The following JPH2 variants were observed in gnomAD, a reference collection of about 807,000 sequenced individuals.
JPH2 encodes the protein junctophilin 2.
A neutral mutation model predicts 55.9 loss-of-function variants in JPH2; 38 were observed. That is an observed-to-expected ratio of 0.68 (90% CI 0.52 to 0.89). JPH2 has a LOEUF of 0.89. Among genes scored for constraint, JPH2 ranks in the 40% least tolerant of loss-of-function variants. The probability of loss-of-function intolerance (pLI) is 0.00; values close to 1 mark genes in which losing one functional copy is unlikely to be tolerated. For synonymous variants in JPH2, 480 were observed against 472.4 expected, an observed-to-expected ratio of 1.02 and a Z score of -0.21; for missense variants, 964 against 1,037.6, an observed-to-expected ratio of 0.93 and a Z score of 0.97.
chr20:44,132,021 G>A (rs1370012159), intron 2 of JPH2, among the ~76,000 whole-genome samples: 1 of 152,118 alleles, frequency 6.6e-6, no homozygotes, highest in Non-Finnish European at 1.5e-5. Context: ...GAGCTACACG[G>A]TATTTACTGT....
chr20:44,154,204 T>C (rs1343317536), intron 2 of JPH2, among the ~76,000 whole-genome samples: 1 of 152,142 alleles, frequency 6.6e-6, no homozygotes, highest in African/African-American at 2.4e-5. Context: ...AAATATAACA[T>C]GTATCACATT....
At chr20:44,119,866 T>C (rs1600831507) in intron 2 of JPH2, among the ~76,000 whole-genome samples, 2 of 74,994 alleles carry the variant, frequency 2.7e-5, no homozygotes, top group Non-Finnish European at 4.9e-5. Flanking sequence ...AGGGTGAGAC[T>C]CCATCTCAAA....
chr20:44,163,466 G>A (rs2072630399), intron 1 of JPH2, among the ~76,000 whole-genome samples: 1 of 152,086 alleles, frequency 6.6e-6, no homozygotes, highest in African/African-American at 2.4e-5. Context: ...ATTGAGCTCA[G>A]GATCCCACTT....
At chr20:44,157,859 G>T (rs1359650045) in intron 2 of JPH2, among the ~76,000 whole-genome samples, 2 of 151,060 alleles carry the variant, frequency 1.3e-5, no homozygotes, top group Non-Finnish European at 2.9e-5. Flanking sequence ...GATTGCTGCA[G>T]CCCCAGGACA....
In JPH2 at chr20:44,186,830, G is replaced by T. The variant is rs1045277458; in HGVS notation, c.-125C>A. The T allele has an allele frequency of 3.1e-6, 3 of 967,766 alleles. No individual in the cohort carries two copies. The highest frequency in any genetic ancestry group is 3.0e-5 in the South Asian group (2 of 67,518). The allele number at this position is 967,766 out of a possible 1,614,324, so 59.9% of individuals were successfully genotyped here. A position where few individuals can be genotyped will look rare whatever the true frequency, so the allele number is the denominator to read the frequency against. On this transcript the variant is annotated 5_prime_UTR_variant, in exon 1 of 6. Transcript: ENST00000372980. ...CCAGACTCACCACTGCACCCCAGGAGGGGGGAAGCAGGATGCCAGCAGAGG... is the reference window on the plus strand; with the variant it reads ...CCAGACTCACCACTGCACCCCAGGATGGGGGAAGCAGGATGCCAGCAGAGG...
chr20:44,124,919 C>A (rs994243081), intron 2 of JPH2, among the ~76,000 whole-genome samples: 1 of 151,920 alleles, frequency 6.6e-6, no homozygotes, highest in East Asian at 1.9e-4. Flanking sequence ...ACCAGCCTGG[C>A]CAACATGCCG....
chr20:44,131,730 T>C (rs1459226968), intron 2 of JPH2, among the ~76,000 whole-genome samples: 1 of 152,234 alleles, frequency 6.6e-6, no homozygotes, highest in Non-Finnish European at 1.5e-5. Context: ...ATTTTTTTCT[T>C]TAAAAATCCA....
intron 2 of JPH2, among the ~76,000 whole-genome samples, chr20:44,140,749 C>G (rs1198382141): frequency 6.6e-6 from 1 of 152,070 alleles, no homozygotes; most frequent in Non-Finnish European, 1.5e-5. Context: ...TTCAATAACA[C>G]CAAGAAGAAT....
chr20:44,164,558 G>C (rs2072640303), intron 1 of JPH2, among the ~76,000 whole-genome samples: 1 of 152,186 alleles, frequency 6.6e-6, no homozygotes, highest in Admixed American at 6.5e-5. Flanking sequence ...AAAAGTGCAA[G>C]AAAAGAGAGC....
rs965758740 is a variant in JPH2, at chr20:44,135,235, C to T, written c.1170-16612G>A. On this transcript the variant is annotated intron_variant, in intron 2 of 5. Coordinates refer to ENST00000372980, the MANE Select transcript of JPH2 (RefSeq NM_020433.5). Reference sequence around the variant, plus strand: ...TCTTAAACCTCTGCTTAAAACCCCACAGTGCCTTTCCTAGTGCCTGAAGGA... The same window carrying T: ...TCTTAAACCTCTGCTTAAAACCCCATAGTGCCTTTCCTAGTGCCTGAAGGA... Among the ~76,000 whole-genome samples the T allele has an allele frequency of 2.0e-5, 3 of 152,012 alleles. No individual in the cohort carries two copies. The South Asian group carries it at 6.2e-4, about 32-fold the overall frequency.
Position 44,186,987 on chromosome 20 carries a change from C to T in JPH2, c.-282G>A. The T allele has an allele frequency of 1.9e-6, 1 of 537,582 alleles. No homozygotes were observed. Among genetic ancestry groups the T allele is most frequent in the Admixed American group, 3.3e-5 (1 of 30,708 alleles). The allele number at this position is 537,582 out of a possible 1,614,324, so 33.3% of individuals were successfully genotyped here. A position where few individuals can be genotyped will look rare whatever the true frequency, so the allele number is the denominator to read the frequency against. ...AGGAAGGAAAGGTTCAAAGTCCCCA[C>T]AAAGCGTCCCAAGTCTGCCTTCCAA... On this transcript the variant is annotated 5_prime_UTR_variant, in exon 1 of 6. It adds an upstream start codon to the 5' untranslated region. Transcript: ENST00000372980.
intron 2 of JPH2, among the ~76,000 whole-genome samples, chr20:44,119,088 T>C (rs928359505): frequency 6.6e-6 from 1 of 152,236 alleles, no homozygotes; most frequent in African/African-American, 2.4e-5. Flanking sequence ...GAATGCATAA[T>C]AATATACATA....
Position 44,116,312 on chromosome 20 carries a change from G to A in JPH2, c.1363C>T (p.Arg455Trp), listed in dbSNP as rs767514641. ...NSESLLEPPDRGAGAAGLPQP... is the reference protein window; with the variant it reads ...NSESLLEPPDWGAGAAGLPQP... Reference sequence around the variant, plus strand: ...GGGAGGCCCGCTGCGCCGGCGCCCCGGTCGGGGGGCTCCAGCAGGCTCTCC... The same window carrying A: ...GGGAGGCCCGCTGCGCCGGCGCCCCAGTCGGGGGGCTCCAGCAGGCTCTCC... Residue 455 changes from arginine to tryptophan, a missense_variant, in exon 4 of 6, where the codon CGG (arginine) becomes TGG (tryptophan). Arg to Trp is a moderately radical substitution (Grantham distance 101, BLOSUM62 -3). Transcript: ENST00000372980. 1.4e-5 allele frequency: 21 copies of A among 1,542,886 alleles called. No homozygotes were observed. Among genetic ancestry groups the A allele is most frequent in the South Asian group, 2.4e-5 (2 of 83,726 alleles).
chr20:44,108,300 G>C lies in JPH2; in HGVS notation c.*5218C>G, dbSNP rs762308347. On this transcript the variant is annotated 3_prime_UTR_variant, in exon 6 of 6. Coordinates refer to ENST00000372980, the MANE Select transcript of JPH2 (RefSeq NM_020433.5). ...CCTTTCCCTTGGCTGGTTCTGATTC[G>C]CATTCTTTGCTTGTAATCAATGTGA... is the stretch of plus-strand genomic sequence containing the variant. Among the ~76,000 whole-genome samples the C allele has an allele frequency of 6.6e-6, 1 of 152,042 alleles. No homozygotes were observed. The highest frequency in any genetic ancestry group is 2.4e-5 in the African/African-American group (1 of 41,372).
intron 2 of JPH2, among the ~76,000 whole-genome samples, chr20:44,147,629 G>A (rs1003155646): frequency 6.6e-6 from 1 of 152,198 alleles, no homozygotes; most frequent in Non-Finnish European, 1.5e-5. Context: ...TAGAACAGGG[G>A]ATTTATTACT....
At chr20:44,163,542 C>G (rs924984642) in intron 1 of JPH2, among the ~76,000 whole-genome samples, 5 of 152,164 alleles carry the variant, frequency 3.3e-5, no homozygotes, top group African/African-American at 1.2e-4. Context: ...CATTAAGGAT[C>G]ATGTACAATG....
intron 1 of JPH2, among the ~76,000 whole-genome samples, chr20:44,184,195 T>G (rs1272540077): frequency 6.6e-6 from 1 of 152,054 alleles, no homozygotes; most frequent in Non-Finnish European, 1.5e-5. Flanking sequence ...TAGTAAATAC[T>G]TTGGGTTTTG....
At position 44,160,736 on chromosome 20, in the gene JPH2, A is replaced by G. The variant is rs941771008; in HGVS notation, c.380-329T>C. Among the ~76,000 whole-genome samples, 1 of 152,206 alleles carries G rather than the reference A, an allele frequency of 6.6e-6. No individual in the cohort carries two copies. Among genetic ancestry groups the G allele is most frequent in the African/African-American group, 2.4e-5 (1 of 41,450 alleles). On this transcript the variant is annotated intron_variant, in intron 1 of 5. Coordinates refer to ENST00000372980, the MANE Select transcript of JPH2 (RefSeq NM_020433.5). The surrounding 1 kb of genome is among the most constrained non-coding windows in gnomAD (Gnocchi z 4.9). ...CATGGGCTTGTGTGTGTATTTGTGC[A>G]AGATCGTGCGTACAAGACACTTGTG...
At position 44,114,693 on chromosome 20, in the gene JPH2, C is replaced by T. The variant is rs141788583; in HGVS notation, c.*14+89G>A. The stretch of plus-strand genomic sequence containing the variant: ...AGTCACAGGACTGTCATCCAAGTAC[C>T]GAGTAGGTCCCTCCTCCCACCACCC... On this transcript the variant is annotated intron_variant, in intron 5 of 5. Coordinates refer to ENST00000372980, the MANE Select transcript of JPH2 (RefSeq NM_020433.5). The T allele has an allele frequency of 4.5e-4, 406 of 902,416 alleles. 8 individuals are homozygous for T. In the Middle Eastern group the frequency reaches 5.4e-3, roughly 12 times the overall value. The allele number at this position is 902,416 out of a possible 1,614,324, so 55.9% of individuals were successfully genotyped here. A position where few individuals can be genotyped will look rare whatever the true frequency, so the allele number is the denominator to read the frequency against.
Sources: gnomAD v4.1 joint callset for allele counts (sites outside exome capture counted in the v4.1 genomes callset) on GRCh38, gnomAD v4.1.1 for gene constraint, Gnocchi (gnomAD v3.1) non-coding constraint, MANE v1.5 for transcripts, NCBI Gene and HGNC (gene_info 2026-07-23, HGNC 2026-07-21) for gene names.